Variants in PPP4R4 observed in about 807,000 individuals in gnomAD.
The protein encoded by PPP4R4 is serine/threonine-protein phosphatase 4 regulatory subunit 4.
A neutral mutation model predicts 121.8 loss-of-function variants in PPP4R4; 70 were observed. The ratio of observed to expected loss-of-function variants is 0.57; its 90% CI spans 0.47 to 0.70. The LOEUF (loss-of-function observed/expected upper bound fraction) is 0.70, where lower values mean the gene tolerates loss of function less well. Among genes scored for constraint, PPP4R4 ranks in the 30% least tolerant of loss-of-function variants. PPP4R4 has a pLI of 0.00. For missense variants in PPP4R4, 875 were observed against 1,033.6 expected, an observed-to-expected ratio of 0.85 and a Z score of 2.10; for synonymous variants, 348 against 355.7, an observed-to-expected ratio of 0.98 and a Z score of 0.24.
chr14:94,275,524 A>C lies in PPP4R4; in HGVS notation c.2597+3A>C, dbSNP rs1395557288. The C allele has an allele frequency of 1.2e-6, 2 of 1,613,880 alleles. No homozygotes were observed. ...ACACAACCACGGAAGGCTACCTTGTAAGTAATCAAGTGATGTCAGACTGAG... is the reference window on the plus strand; with the variant it reads ...ACACAACCACGGAAGGCTACCTTGTCAGTAATCAAGTGATGTCAGACTGAG... On this transcript the variant is annotated splice_donor_region_variant and intron_variant, in intron 24 of 24. Coordinates refer to ENST00000304338, the MANE Select transcript of PPP4R4 (RefSeq NM_058237.2).
chr14:94,240,297 G>A (rs1892559374), intron 8 of PPP4R4, among the ~76,000 whole-genome samples: 1 of 152,182 alleles, frequency 6.6e-6, no homozygotes, highest in Non-Finnish European at 1.5e-5. Context: ...GTGTGTAAAA[G>A]AGAATAAGAA....
chr14:94,202,143 G>A (rs1890223911), intron 2 of PPP4R4, among the ~76,000 whole-genome samples: 2 of 152,194 alleles, frequency 1.3e-5, no homozygotes, highest in South Asian at 4.1e-4. Context: ...TGGACTTTGG[G>A]GACCCTGGGG....
intron 13 of PPP4R4, 21 bp downstream of exon 13, chr14:94,245,691 A>T: frequency 6.7e-7 from 1 of 1,500,050 alleles, no homozygotes; most frequent in Non-Finnish European, 9.2e-7. Context: ...TCTTTCAGAA[A>T]CATTCTGAGT....
chr14:94,244,097 A>G (rs1180873446), intron 11 of PPP4R4, among the ~76,000 whole-genome samples: 1 of 152,120 alleles, frequency 6.6e-6, no homozygotes, highest in African/African-American at 2.4e-5. Flanking sequence ...CAAAAAAACT[A>G]CTGTCTACAA....
chr14:94,186,804 G>A (rs1251548535), intron 2 of PPP4R4, among the ~76,000 whole-genome samples: 2 of 152,114 alleles, frequency 1.3e-5, no homozygotes, highest in Non-Finnish European at 2.9e-5. Flanking sequence ...GGTGTGTAGT[G>A]TTATTTCATT....
intron 4 of PPP4R4, 95 bp downstream of exon 4, chr14:94,230,829 A>T (rs1236723695): frequency 7.3e-7 from 1 of 1,366,048 alleles, no homozygotes; most frequent in Admixed American, 2.3e-5. Context: ...GATGAGGATA[A>T]CTGAGTAAGG....
At chr14:94,184,040 G>A (rs1567102742) in intron 2 of PPP4R4, among the ~76,000 whole-genome samples, 1 of 152,098 alleles carries the variant, frequency 6.6e-6, no homozygotes, top group African/African-American at 2.4e-5. Flanking sequence ...ATTTTCATGA[G>A]CAATTAATTC....
intron 19 of PPP4R4, among the ~76,000 whole-genome samples, chr14:94,260,154 G>T (rs1402609916): frequency 6.6e-6 from 1 of 152,148 alleles, no homozygotes; most frequent in East Asian, 1.9e-4. Flanking sequence ...GCCGGGTGTG[G>T]TAGCTCATGC....
At chr14:94,208,895 A>G (rs78316452) in intron 3 of PPP4R4, among the ~76,000 whole-genome samples, 1 of 151,898 alleles carries the variant, frequency 6.6e-6, no homozygotes, top group Admixed American at 6.6e-5. Context: ...TTAAATCTAT[A>G]TTAATAGTAT....
At chr14:94,250,051 G>A (rs4905173) in intron 14 of PPP4R4, 121 bp from the exon 15 acceptor site, 132,756 of 608,316 alleles carry the variant, frequency 0.22, 18,328 homozygotes, top group East Asian at 0.59. Flanking sequence ...TGTAAGTTCA[G>A]TGAGTTGAGA....
chr14:94,275,291 G>T lies in PPP4R4; in HGVS notation c.2450-83G>T, dbSNP rs185014979. 3,343 of 1,432,302 alleles carry T rather than the reference G, an allele frequency of 2.3e-3. 52 individuals are homozygous for T. The highest frequency in any genetic ancestry group is 0.022 in the South Asian group (1,792 of 80,478). 88.7% of individuals were successfully genotyped at this position (1,432,302 alleles called of 1,614,324 possible). A position where few individuals can be genotyped will look rare whatever the true frequency, so the allele number is the denominator to read the frequency against. On this transcript the variant is annotated intron_variant, in intron 23 of 24. Transcript: ENST00000304338. ...ATTGATTTAAAAGGTGAAAAAGTTA[G>T]CTATCATTAACCTTTTCTTCTCTTT...
intron 2 of PPP4R4, among the ~76,000 whole-genome samples, chr14:94,200,969 A>G (rs1325697954): frequency 1.3e-5 from 2 of 152,148 alleles, no homozygotes; most frequent in African/African-American, 2.4e-5. Flanking sequence ...ATTTAATGCT[A>G]TGAACTCTCC....
At chr14:94,256,359 A>G in intron 16 of PPP4R4, 101 bp from the exon 17 acceptor site, 1 of 925,054 alleles carries the variant, frequency 1.1e-6, no homozygotes, top group Non-Finnish European at 1.6e-6. Context: ...TCTTGCATGA[A>G]TAAATGAACT....
intron 4 of PPP4R4, 152 bp from the exon 5 acceptor site, chr14:94,231,090 T>C: frequency 1.6e-6 from 1 of 625,422 alleles, no homozygotes; most frequent in Non-Finnish European, 2.6e-6. Flanking sequence ...AGATGTTGAC[T>C]GAGACAAAAT....
chr14:94,277,186 A>T (rs1197781270), intron 24 of PPP4R4, among the ~76,000 whole-genome samples: 1 of 152,166 alleles, frequency 6.6e-6, no homozygotes, highest in Non-Finnish European at 1.5e-5. Flanking sequence ...CTGTAATCCC[A>T]GCTACTCAAG....
chr14:94,224,735 CG>C (rs1891601875), intron 3 of PPP4R4, among the ~76,000 whole-genome samples: 1 of 151,964 alleles, frequency 6.6e-6, no homozygotes, highest in African/African-American at 2.4e-5. Context: ...GTTGTATATA[CG>C]GATGTGATAC....
At position 94,244,696 on chromosome 14, in the gene PPP4R4, A is replaced by G; in HGVS notation, c.1328A>G (p.Gln443Arg). The G allele has an allele frequency of 6.7e-7, 1 of 1,496,334 alleles. No individual in the cohort carries two copies. Among genetic ancestry groups the G allele is most frequent in the Non-Finnish European group, 9.0e-7 (1 of 1,106,702 alleles). 92.7% of individuals were successfully genotyped at this position (1,496,334 alleles called of 1,614,324 possible). A position where few individuals can be genotyped will look rare whatever the true frequency, so the allele number is the denominator to read the frequency against. Residue 443 changes from glutamine (Q) to arginine (R), a missense_variant, in exon 12 of 25, where the codon CAA becomes CGA. Coordinates refer to ENST00000304338, the MANE Select transcript of PPP4R4 (RefSeq NM_058237.2). ...CATAAAGAACTAATAACATTATTAC[A>G]AGATGAATCACTGGAGGTAATATTT... ...LIHKELITLL[Q>R]DESLEVLDAL... is the part of the protein sequence containing the mutation.
intron 8 of PPP4R4, among the ~76,000 whole-genome samples, chr14:94,238,654 T>C (rs1166845098): frequency 6.6e-6 from 1 of 152,222 alleles, no homozygotes; most frequent in African/African-American, 2.4e-5. Flanking sequence ...ATATTAGTTA[T>C]CAGTAAACAT....
At chr14:94,174,957 G>A (rs1299220822) in intron 1 of PPP4R4, among the ~76,000 whole-genome samples, 1 of 119,648 alleles carries the variant, frequency 8.4e-6, no homozygotes, top group Non-Finnish European at 1.8e-5. Context: ...CCTCCGTCGC[G>A]GACCCCCTTC....
Sources: gnomAD v4.1 joint callset for allele counts (sites outside exome capture counted in the v4.1 genomes callset) on GRCh38, gnomAD v4.1.1 for gene constraint, MANE v1.5 for transcripts, NCBI Gene and HGNC (gene_info 2026-07-23, HGNC 2026-07-21) for gene names.